ELMO1: variants seen among roughly 807,000 people sequenced by gnomAD.
The protein encoded by ELMO1 is engulfment and cell motility protein 1.
ELMO1 carries 26 observed loss-of-function variants against 98.9 expected under a neutral mutation model. The ratio of observed to expected loss-of-function variants is 0.26; its 90% CI spans 0.19 to 0.36. ELMO1 has a LOEUF of 0.36. Ranked by LOEUF, ELMO1 falls within the 10% of genes least tolerant of loss-of-function variation. ELMO1 has a pLI of 1.00. For missense variants in ELMO1, 627 were observed against 935.2 expected, an observed-to-expected ratio of 0.67 and a Z score of 4.30; for synonymous variants, 346 against 346.0, an observed-to-expected ratio of 1.00 and a Z score of 0.00.
intron 1 of ELMO1, among the ~76,000 whole-genome samples, chr7:37,401,551 G>A (rs1419874435): frequency 6.6e-6 from 1 of 152,158 alleles, no homozygotes; most frequent in East Asian, 1.9e-4. Context: ...AGTTCAGCAT[G>A]GCTAAGGAGG....
At position 36,953,126 on chromosome 7, in the gene ELMO1, C is replaced by T. The variant is rs1052111788; in HGVS notation, c.1438-58109G>A. On this transcript the variant is annotated intron_variant, in intron 16 of 21. Coordinates refer to ENST00000310758, the MANE Select transcript of ELMO1 (RefSeq NM_014800.11). ...GACTACAGGCACCCGCCACCACGCC[C>T]GGCTAATTTTTTTGTATTTTCAGTA... Among the ~76,000 whole-genome samples the T allele has an allele frequency of 4.0e-5, 6 of 151,854 alleles. No homozygotes were observed. In the South Asian group the frequency reaches 6.2e-4, roughly 16 times the overall value.
intron 16 of ELMO1, among the ~76,000 whole-genome samples, chr7:37,001,153 T>C (rs1213473767): frequency 1.3e-5 from 2 of 152,198 alleles, no homozygotes; most frequent in African/African-American, 4.8e-5. Context: ...CTCAGAGTAT[T>C]AGCATCTGAA....
chr7:37,004,325 T>C (rs1424418698), intron 16 of ELMO1, among the ~76,000 whole-genome samples: 1 of 152,148 alleles, frequency 6.6e-6, no homozygotes, highest in Admixed American at 6.5e-5. Context: ...AACAACTGGT[T>C]TCTACACAGC....
intron 4 of ELMO1, among the ~76,000 whole-genome samples, chr7:37,308,543 AC>A (rs1378244618): frequency 3.3e-5 from 5 of 152,130 alleles, no homozygotes; most frequent in African/African-American, 4.8e-5. Context: ...CCAGACACTC[AC>A]ATTTCTCCTT....
intron 15 of ELMO1, among the ~76,000 whole-genome samples, chr7:37,044,646 G>A (rs888952284): frequency 6.6e-6 from 1 of 152,146 alleles, no homozygotes; most frequent in Non-Finnish European, 1.5e-5. Flanking sequence ...TCAGTCTGCT[G>A]GTCTTTGCTC....
intron 13 of ELMO1, among the ~76,000 whole-genome samples, chr7:37,142,500 C>T (rs548264047): frequency 4.6e-5 from 7 of 152,312 alleles, no homozygotes; most frequent in South Asian, 2.1e-4. Context: ...AGACCTCACA[C>T]CTGGCTGTGG....
chr7:37,165,125 T>A (rs1004583911), intron 13 of ELMO1, among the ~76,000 whole-genome samples: 56 of 152,366 alleles, frequency 3.7e-4, no homozygotes, highest in Non-Finnish European at 6.5e-4. Flanking sequence ...ACTCATGATT[T>A]GGCTCTCTGT....
chr7:37,018,914 G>A (rs1794111372), intron 15 of ELMO1, among the ~76,000 whole-genome samples: 1 of 152,196 alleles, frequency 6.6e-6, no homozygotes. Context: ...GAAGGAAAGA[G>A]GAATCTGGTG....
At chr7:37,264,668 C>G (rs1454578080) in intron 5 of ELMO1, among the ~76,000 whole-genome samples, 1 of 152,090 alleles carries the variant, frequency 6.6e-6, no homozygotes, top group Non-Finnish European at 1.5e-5. Flanking sequence ...AAAAGTTTTA[C>G]TTTGGGCCAT....
intron 7 of ELMO1, among the ~76,000 whole-genome samples, chr7:37,243,093 C>T (rs1644845971): frequency 6.6e-6 from 1 of 152,128 alleles, no homozygotes; most frequent in South Asian, 2.1e-4. Context: ...GTGCCATTAC[C>T]AGAACCAGGG....
At chr7:37,096,827 A>G in intron 14 of ELMO1, 100 bp from the exon 15 acceptor site, 1 of 1,108,548 alleles carries the variant, frequency 9.0e-7, no homozygotes, top group Non-Finnish European at 1.3e-6. Context: ...GATCCACTTC[A>G]GATCCCCAAA....
chr7:37,203,958 G>A, intron 13 of ELMO1: 1 of 424,224 alleles, frequency 2.4e-6, no homozygotes, highest in Non-Finnish European at 4.7e-6. Flanking sequence ...TTGTTAGAGA[G>A]CCCTTTCCCA....
intron 10 of ELMO1, among the ~76,000 whole-genome samples, chr7:37,221,156 T>C (rs921665734): frequency 2.0e-5 from 3 of 152,176 alleles, no homozygotes; most frequent in East Asian, 1.9e-4. Context: ...CACCTCCACC[T>C]GGCTCCAGCG....
At position 37,011,411 on chromosome 7, in the gene ELMO1, T is replaced by G. The variant is rs1793546893; in HGVS notation, c.1437+1888A>C. On this transcript the variant is annotated intron_variant, in intron 16 of 21. Transcript: ENST00000310758. ...ACAAGGAACTCTTGGTGCTTCATGT[T>G]ACAAAATGTAACTTCTATAGGATTT... Among the ~76,000 whole-genome samples, 3 of 152,322 alleles carry G rather than the reference T, an allele frequency of 2.0e-5. No homozygotes were observed. The South Asian group carries it at 6.2e-4, about 32-fold the overall frequency.
chr7:37,186,074 G>C (rs1395860781), intron 13 of ELMO1, among the ~76,000 whole-genome samples: 1 of 152,128 alleles, frequency 6.6e-6, no homozygotes, highest in Non-Finnish European at 1.5e-5. Flanking sequence ...TTACTACAAA[G>C]TTTCCATAAT....
chr7:36,866,527 A>G (rs149912152), intron 20 of ELMO1, among the ~76,000 whole-genome samples: 156 of 152,246 alleles, frequency 1.0e-3, no homozygotes, highest in African/African-American at 3.4e-3. Flanking sequence ...GAAAGGACCA[A>G]TTTTCTTCTT....
chr7:37,008,241 A>T (rs1385947539), intron 16 of ELMO1, among the ~76,000 whole-genome samples: 1 of 152,250 alleles, frequency 6.6e-6, no homozygotes, highest in Non-Finnish European at 1.5e-5. Context: ...AGATCTGGGC[A>T]ACTAGTAATT....
chr7:37,210,654 G>A (rs1792910528), intron 13 of ELMO1, among the ~76,000 whole-genome samples: 1 of 151,634 alleles, frequency 6.6e-6, no homozygotes, highest in Non-Finnish European at 1.5e-5. Flanking sequence ...AGAGTATTTG[G>A]AACTATAAAA....
intron 8 of ELMO1, among the ~76,000 whole-genome samples, chr7:37,229,323 T>G (rs556501310): frequency 4.6e-5 from 7 of 152,188 alleles, no homozygotes; most frequent in African/African-American, 1.7e-4. Context: ...TTTCTTACTC[T>G]CTCCCTAAGT....
Sources: gnomAD v4.1 joint callset for allele counts (sites outside exome capture counted in the v4.1 genomes callset) on GRCh38, gnomAD v4.1.1 for gene constraint, MANE v1.5 for transcripts, NCBI Gene and HGNC (gene_info 2026-07-23, HGNC 2026-07-21) for gene names.